Variants in FAM3D observed in about 807,000 individuals in gnomAD.
FAM3D encodes FAM3 metabolism regulating signaling molecule D.
FAM3D carries 26 observed loss-of-function variants against 29.8 expected under a neutral mutation model. The ratio of observed to expected loss-of-function variants is 0.87; its 90% CI spans 0.64 to 1.21. FAM3D has a LOEUF of 1.21. Ranked by LOEUF, FAM3D falls within the 50% of genes most tolerant of loss-of-function variation. The pLI is 0.00. For synonymous variants in FAM3D, 115 were observed against 102.3 expected (o/e 1.12, Z -0.75); for missense variants, 253 against 290.9 (o/e 0.87, Z 0.95).
rs931535129 is a variant in FAM3D at position 58,635,493 on chromosome 3, C to T, written c.585+801G>A. ...TGCTGGGCTTCCTGTACTCCCACGC[C>T]TCCTCTGTCTTGCCGGTTCCCCTGG... On this transcript the variant is annotated intron_variant, in intron 9 of 9. Coordinates refer to ENST00000358781, the MANE Select transcript of FAM3D (RefSeq NM_138805.3). The surrounding 1 kb of genome is among the most constrained non-coding windows in gnomAD (Gnocchi z 5.2). 5.9e-5 allele frequency among the ~76,000 whole-genome samples: 9 copies of T among 152,170 alleles called. No homozygotes were observed. Among genetic ancestry groups the T allele is most frequent in the Admixed American group, 3.3e-4 (5 of 15,280 alleles).
chr3:58,637,133 CT>C lies in FAM3D; in HGVS notation c.458+7del, dbSNP rs1282561382. ...TGTGTGGCCTGGCAGGTAGAGTTTTCTACTTACTTGGTCCCTGGATCGTCGT... is the reference window on the plus strand; with the variant it reads ...TGTGTGGCCTGGCAGGTAGAGTTTTCACTTACTTGGTCCCTGGATCGTCGT... On this transcript the variant is annotated splice_region_variant and intron_variant, in intron 8 of 9. Transcript: ENST00000358781. The C allele has an allele frequency of 1.3e-5, 21 of 1,613,162 alleles. No individual in the cohort carries two copies. The highest frequency in any genetic ancestry group is 1.6e-5 in the Non-Finnish European group (19 of 1,179,520).
chr3:58,640,192 G>C lies in FAM3D; in HGVS notation c.323-15C>G. 1 of 1,614,024 alleles carries C rather than the reference G, an allele frequency of 6.2e-7. No homozygotes were observed. The highest frequency in any genetic ancestry group is 1.1e-5 in the South Asian group (1 of 91,072). On this transcript the variant is annotated splice_polypyrimidine_tract_variant and intron_variant, in intron 6 of 9. Transcript: ENST00000358781. Reference sequence around the variant, plus strand: ...TCCCGTGGTTCCTAGGGGTTAAGAGGAGAACGATTATCCCCTGTAACACGT... The same window carrying C: ...TCCCGTGGTTCCTAGGGGTTAAGAGCAGAACGATTATCCCCTGTAACACGT...
At chr3:58,654,294 C>A (rs545701300) in intron 2 of FAM3D, among the ~76,000 whole-genome samples, 1 of 152,322 alleles carries the variant, frequency 6.6e-6, no homozygotes, top group South Asian at 2.1e-4. Context: ...CTGGTAACAC[C>A]CTTGCCCCTG....
chr3:58,659,806 C>T (rs543408281), intron 1 of FAM3D, among the ~76,000 whole-genome samples: 129 of 151,996 alleles, frequency 8.5e-4, no homozygotes, highest in African/African-American at 2.8e-3. Context: ...TTTTTTTCAC[C>T]TCATTACTAA....
intron 7 of FAM3D, among the ~76,000 whole-genome samples, chr3:58,639,467 A>G (rs920976122): frequency 6.6e-6 from 1 of 152,208 alleles, no homozygotes; most frequent in African/African-American, 2.4e-5. Context: ...CACGCTGAAC[A>G]TCAGTAGGAC....
At position 58,634,143 on chromosome 3, in the gene FAM3D, G is replaced by A. The variant is rs2066092342; in HGVS notation, c.*136C>T. On this transcript the variant is annotated 3_prime_UTR_variant, in exon 10 of 10. Transcript: ENST00000358781. The surrounding 1 kb of genome is among the most constrained non-coding windows in gnomAD (Gnocchi z 4.6). Reference sequence around the variant, plus strand: ...TTCTGTTTCCGAGGAGGAGAGGCGCGACACAGCGTGCAAGGACCTGCAGCA... The same window carrying A: ...TTCTGTTTCCGAGGAGGAGAGGCGCAACACAGCGTGCAAGGACCTGCAGCA... 7 of 710,276 alleles carry A rather than the reference G, an allele frequency of 9.9e-6. No individual in the cohort carries two copies. The highest frequency in any genetic ancestry group is 8.1e-5 in the East Asian group (3 of 37,146). 44.0% of individuals were successfully genotyped at this position (710,276 alleles called of 1,614,324 possible). A position where few individuals can be genotyped will look rare whatever the true frequency, so the allele number is the denominator to read the frequency against.
intron 3 of FAM3D, among the ~76,000 whole-genome samples, chr3:58,652,092 A>T (rs1274462212): frequency 2.6e-5 from 4 of 152,178 alleles, no homozygotes; most frequent in South Asian, 2.1e-4. Flanking sequence ...GAATCCAGAG[A>T]TATAAATCCC....
At chr3:58,660,489 C>G (rs1213509655) in intron 1 of FAM3D, among the ~76,000 whole-genome samples, 1 of 152,196 alleles carries the variant, frequency 6.6e-6, no homozygotes, top group Non-Finnish European at 1.5e-5. Flanking sequence ...GTCGCCAATA[C>G]AGACGGGGAG....
In FAM3D at chr3:58,649,185, G is replaced by T. The variant is rs1173971328; in HGVS notation, c.145+130C>A. 5 of 1,158,524 alleles carry T rather than the reference G, an allele frequency of 4.3e-6. No individual in the cohort carries two copies. In the African/African-American group the frequency reaches 7.7e-5, roughly 18 times the overall value. The allele number at this position is 1,158,524 out of a possible 1,614,324, so 71.8% of individuals were successfully genotyped here. Reference sequence around the variant, plus strand: ...GGGAGGAGAGGACTGGGAAGAATCAGGAAGCCCAGGTTTCTCTGGCACCTG... The same window carrying T: ...GGGAGGAGAGGACTGGGAAGAATCATGAAGCCCAGGTTTCTCTGGCACCTG... On this transcript the variant is annotated intron_variant, in intron 4 of 9. Transcript: ENST00000358781.
At position 58,645,643 on chromosome 3, in the gene FAM3D, C is replaced by G. The variant is rs2066456684; in HGVS notation, c.146-17G>C. The G allele has an allele frequency of 1.9e-6, 3 of 1,608,658 alleles. No individual in the cohort carries two copies. The East Asian group carries it at 6.7e-5, about 36-fold the overall frequency. On this transcript the variant is annotated splice_polypyrimidine_tract_variant and intron_variant, in intron 4 of 9. Transcript: ENST00000358781. ...TTTTAACCTCTGGGGAGGAAAGAGA[C>G]CAGCCTTGGTGGGCAGAAGCTCAGG...
At chr3:58,644,162 C>A (rs912486287) in intron 5 of FAM3D, among the ~76,000 whole-genome samples, 2 of 152,214 alleles carry the variant, frequency 1.3e-5, no homozygotes, top group Non-Finnish European at 2.9e-5. Context: ...TCTCCACGAA[C>A]AGGCCAGGTG....
intron 7 of FAM3D, among the ~76,000 whole-genome samples, chr3:58,639,861 C>T (rs570547218): frequency 3.5e-4 from 53 of 152,294 alleles, no homozygotes; most frequent in Non-Finnish European, 6.3e-4. Flanking sequence ...GCCCATCTGA[C>T]GTTTCCTGAG....
chr3:58,638,649 C>T lies in FAM3D; in HGVS notation c.374-1424G>A, dbSNP rs570383945. ...GCATGAAGTCAAGTGTGAGATTCTT[C>T]CAAGCATGGGCCCCGTGTGACTGCC... is the stretch of plus-strand genomic sequence containing the variant. On this transcript the variant is annotated intron_variant, in intron 7 of 9. Transcript: ENST00000358781. 1.4e-4 allele frequency among the ~76,000 whole-genome samples: 22 copies of T among 152,342 alleles called. 1 individual carries two copies. The South Asian group carries it at 4.4e-3, about 30-fold the overall frequency.
chr3:58,662,032 C>T (rs2066941413), intron 1 of FAM3D, among the ~76,000 whole-genome samples: 1 of 152,224 alleles, frequency 6.6e-6, no homozygotes, highest in Non-Finnish European at 1.5e-5. Context: ...TCTCAGGATA[C>T]TGGACATCTG....
intron 1 of FAM3D, among the ~76,000 whole-genome samples, chr3:58,656,464 C>A (rs2066803406): frequency 6.6e-6 from 1 of 152,160 alleles, no homozygotes. Context: ...AAAGTTTTCT[C>A]CCTTATTCAG....
Position 58,665,255 on chromosome 3 carries a change from C to A in FAM3D, c.-39+1321G>T, listed in dbSNP as rs541148995. Among the ~76,000 whole-genome samples, 8 of 152,206 alleles carry A rather than the reference C, an allele frequency of 5.3e-5. No individual in the cohort carries two copies. The South Asian group carries it at 1.7e-3, about 32-fold the overall frequency. On this transcript the variant is annotated intron_variant, in intron 1 of 9. Transcript: ENST00000358781. ...CTAGCCTGTGCAGACCTGGGCGCAACAACCTCACTGACTTCACCTTCCACC... is the reference window on the plus strand; with the variant it reads ...CTAGCCTGTGCAGACCTGGGCGCAAAAACCTCACTGACTTCACCTTCCACC...
At position 58,657,393 on chromosome 3, in the gene FAM3D, G is replaced by C. The variant is rs2106931739; in HGVS notation, c.-38-1792C>G. The stretch of plus-strand genomic sequence containing the variant: ...GGCGGGGTGGTGGGGAAGAGAGAGA[G>C]AGAGAGAGAGAATGAGAAGAGGGAG... On this transcript the variant is annotated intron_variant, in intron 1 of 9. Coordinates refer to ENST00000358781, the MANE Select transcript of FAM3D (RefSeq NM_138805.3). 1.3e-5 allele frequency: 2 copies of C among 152,168 alleles called. 1 individual carries two copies. The highest frequency in any genetic ancestry group is 4.2e-4 in the South Asian group (2 of 4,808). 9.4% of individuals were successfully genotyped at this position (152,168 alleles called of 1,614,324 possible).
At chr3:58,655,425 G>T in intron 2 of FAM3D, 126 bp downstream of exon 2, 3 of 1,264,922 alleles carry the variant, frequency 2.4e-6, no homozygotes, top group Non-Finnish European at 2.2e-6. Flanking sequence ...AGCCTCCCCT[G>T]GATTGCTTTC....
intron 4 of FAM3D, among the ~76,000 whole-genome samples, chr3:58,649,080 G>A (rs1575481876): frequency 1.3e-5 from 2 of 152,132 alleles, no homozygotes; most frequent in Non-Finnish European, 1.5e-5. Flanking sequence ...GTTGAACTGT[G>A]TCTCTACAGT....
Sources: gnomAD v4.1 joint callset for allele counts (sites outside exome capture counted in the v4.1 genomes callset) on GRCh38, gnomAD v4.1.1 for gene constraint, Gnocchi (gnomAD v3.1) non-coding constraint, MANE v1.5 for transcripts, NCBI Gene and HGNC (gene_info 2026-07-23, HGNC 2026-07-21) for gene names.